The following SLC22A8 variants were observed in gnomAD, a reference collection of about 807,000 sequenced individuals.
SLC22A8 encodes solute carrier family 22 member 8.
Under a neutral mutation model 48.4 loss-of-function variants are expected in SLC22A8, and 40 were observed. The observed-to-expected ratio is 0.83, with a 90% confidence interval of 0.64 to 1.08. The LOEUF (loss-of-function observed/expected upper bound fraction) is 1.08, where lower values mean the gene tolerates loss of function less well. SLC22A8 is among the 50% of genes least tolerant of loss of function. The pLI is 0.00. For missense variants in SLC22A8, 606 were observed against 699.0 expected (o/e 0.87, Z 1.50); for synonymous variants, 268 against 286.3 (o/e 0.94, Z 0.65).
At chr11:63,012,344 C>A (rs866458913) in intron 2 of SLC22A8, among the ~76,000 whole-genome samples, 2 of 152,080 alleles carry the variant, frequency 1.3e-5, no homozygotes, top group South Asian at 4.1e-4. Context: ...GCCACTCTTC[C>A]TTTTGCCTGG....
At chr11:63,011,353 C>T (rs2086617331) in intron 2 of SLC22A8, among the ~76,000 whole-genome samples, 2 of 152,188 alleles carry the variant, frequency 1.3e-5, no homozygotes, top group Non-Finnish European at 2.9e-5. Flanking sequence ...CCATCTGGCA[C>T]AGTGTGAGCA....
At chr11:63,009,897 T>G (rs967543774) in intron 2 of SLC22A8, among the ~76,000 whole-genome samples, 3 of 151,724 alleles carry the variant, frequency 2.0e-5, no homozygotes, top group African/African-American at 7.3e-5. Context: ...TTGCTGACTG[T>G]GGGGGAGGAG....
intron 2 of SLC22A8, among the ~76,000 whole-genome samples, chr11:63,005,559 A>C (rs1194306044): frequency 6.6e-6 from 1 of 152,222 alleles, no homozygotes; most frequent in Non-Finnish European, 1.5e-5. Flanking sequence ...TTGTAGATGT[A>C]ATTAGCTAAG....
chr11:62,993,269 G>A lies in SLC22A8; in HGVS notation c.1597C>T (p.Gln533Ter), dbSNP rs201498461. Reference protein sequence around the residue: ...VEKASQRIPLQPHGPGLGSS With the variant: ...VEKASQRIPL ...GAGCCCAGGCCTGGTCCGTGAGGCT[G>A]TAGAGGGATCCTCTGGGAGGCCTTT... is the stretch of plus-strand genomic sequence containing the variant. The change falls in exon 11 of 11, where the codon CAG (glutamine) becomes TAG (stop). Residue 533 changes from glutamine (Q) to a stop codon, truncating the protein, a stop_gained. Transcript: ENST00000336232. LOFTEE classifies it high-confidence loss of function. 26 of 1,613,244 alleles carry A rather than the reference G, an allele frequency of 1.6e-5. No homozygotes were observed. The highest frequency in any genetic ancestry group is 2.0e-5 in the Non-Finnish European group (24 of 1,179,890).
intron 3 of SLC22A8, among the ~76,000 whole-genome samples, chr11:63,000,144 C>T (rs892661633): frequency 6.6e-6 from 1 of 152,216 alleles, no homozygotes; most frequent in African/African-American, 2.4e-5. Flanking sequence ...GCTACACAGC[C>T]ACTACGCTGT....
chr11:63,008,923 C>A (rs1173623594), intron 2 of SLC22A8, among the ~76,000 whole-genome samples: 1 of 152,110 alleles, frequency 6.6e-6, no homozygotes, highest in Non-Finnish European at 1.5e-5. Flanking sequence ...AACACCAGCC[C>A]AGGTCCCTGC....
In SLC22A8 at chr11:63,014,968, G is replaced by A. The variant is rs2086658656; in HGVS notation, c.-10C>T. 8 of 1,536,326 alleles carry A rather than the reference G, an allele frequency of 5.2e-6. No homozygotes were observed. In the Middle Eastern group the frequency reaches 7.0e-4, roughly 135 times the overall value. ...TCTCCGAGAAGGTCATGGCACTGGG[G>A]CAAGACGAGCCAGAGCTGTGGGCAG... On this transcript the variant is annotated 5_prime_UTR_variant, in exon 2 of 11. Coordinates refer to ENST00000336232, the MANE Select transcript of SLC22A8 (RefSeq NM_004254.4).
intron 2 of SLC22A8, among the ~76,000 whole-genome samples, chr11:63,009,991 T>A (rs1338117872): frequency 6.6e-6 from 1 of 152,200 alleles, no homozygotes; most frequent in African/African-American, 2.4e-5. Context: ...CTGTGAGAGC[T>A]GGCTCCCCTT....
intron 2 of SLC22A8, among the ~76,000 whole-genome samples, chr11:63,005,349 A>G (rs371949433): frequency 1.3e-5 from 2 of 152,186 alleles, no homozygotes; most frequent in African/African-American, 2.4e-5. Context: ...TACTCGTGTT[A>G]TTTCTTTTTA....
At chr11:62,994,813 T>G in intron 7 of SLC22A8, 57 bp from the exon 8 acceptor site, 1 of 1,307,274 alleles carries the variant, frequency 7.6e-7, no homozygotes, top group East Asian at 2.3e-5. Flanking sequence ...CCACTCCCCA[T>G]GCTGGTCATT....
chr11:62,994,883 C>T, intron 7 of SLC22A8, 127 bp from the exon 8 acceptor site: 1 of 721,950 alleles, frequency 1.4e-6, no homozygotes, highest in South Asian at 1.6e-5. Flanking sequence ...ATGATAGGGG[C>T]TGCTTGAGTG....
intron 3 of SLC22A8, among the ~76,000 whole-genome samples, chr11:63,000,241 T>C (rs1347285997): frequency 6.6e-6 from 1 of 152,084 alleles, no homozygotes; most frequent in East Asian, 1.9e-4. Flanking sequence ...CCCGGCACTT[T>C]GGGAGGCCAA....
chr11:62,998,799 C>T (rs1252466879), intron 5 of SLC22A8, 122 bp downstream of exon 5: 8 of 798,608 alleles, frequency 1.0e-5, no homozygotes, highest in Non-Finnish European at 1.4e-5. Context: ...CTGGAGTGCC[C>T]TTCCCTGACT....
intron 1 of SLC22A8, among the ~76,000 whole-genome samples, chr11:63,015,270 G>A (rs1311841533): frequency 6.6e-6 from 1 of 152,220 alleles, no homozygotes; most frequent in African/African-American, 2.4e-5. Context: ...TGCTCATTTA[G>A]GCTGCAGCAT....
chr11:62,996,246 G>C, intron 5 of SLC22A8, 94 bp from the exon 6 acceptor site: 1 of 1,308,546 alleles, frequency 7.6e-7, no homozygotes, highest in East Asian at 2.4e-5. Context: ...CAAGGGGTAG[G>C]AGGACCAGAA....
chr11:62,998,863 T>A, intron 5 of SLC22A8, 58 bp downstream of exon 5: 1 of 1,503,740 alleles, frequency 6.7e-7, no homozygotes, highest in Non-Finnish European at 9.1e-7. Context: ...AGGTATGGGC[T>A]CCCCTGTTTG....
chr11:62,998,259 A>T (rs550143138), intron 5 of SLC22A8, among the ~76,000 whole-genome samples: 65 of 149,748 alleles, frequency 4.3e-4, no homozygotes. Flanking sequence ...GCCAGCTCTG[A>T]CTACCTTCTA....
rs768192809 is a variant in SLC22A8 at position 63,014,887 on chromosome 11, C to A, written c.72G>T (p.Leu24=). ...GHFQFLHVAI[L]GLPILNMANH... is the part of the protein sequence containing the mutation. Reference sequence around the variant, plus strand: ...TGGCCATGTTGAGGATCGGGAGGCCCAGTATGGCTACATGCAGGAACTGGA... The same window carrying A: ...TGGCCATGTTGAGGATCGGGAGGCCAAGTATGGCTACATGCAGGAACTGGA... The change falls in exon 2 of 11, where the codon CTG becomes CTT. Residue 24 remains leucine (L), a synonymous_variant. Transcript: ENST00000336232. The A allele has an allele frequency of 3.1e-6, 5 of 1,602,638 alleles. No individual in the cohort carries two copies. In the East Asian group the frequency reaches 1.1e-4, roughly 36 times the overall value.
intron 2 of SLC22A8, among the ~76,000 whole-genome samples, chr11:63,012,275 G>A (rs2086627893): frequency 6.6e-6 from 1 of 152,010 alleles, no homozygotes; most frequent in Admixed American, 6.5e-5. Flanking sequence ...ACAGGTGTGA[G>A]CCACTGCACC....
Sources: gnomAD v4.1 joint callset for allele counts (sites outside exome capture counted in the v4.1 genomes callset) on GRCh38, gnomAD v4.1.1 for gene constraint, MANE v1.5 for transcripts, NCBI Gene and HGNC (gene_info 2026-07-23, HGNC 2026-07-21) for gene names.